The following SCFD2 variants were observed in gnomAD, a reference collection of about 807,000 sequenced individuals.
SCFD2 encodes sec1 family domain-containing protein 2.
A neutral mutation model predicts 58.9 loss-of-function variants in SCFD2; 54 were observed. The observed-to-expected ratio is 0.92, with a 90% CI of 0.74 to 1.15. The LOEUF (loss-of-function observed/expected upper bound fraction) is 1.15, where lower values mean the gene tolerates loss of function less well. Among genes scored for constraint, SCFD2 ranks in the 50% most tolerant of loss-of-function variants. SCFD2 has a pLI of 0.00. For synonymous variants in SCFD2, 321 were observed against 335.9 expected (o/e 0.96, Z 0.49); for missense variants, 805 against 836.6 (o/e 0.96, Z 0.47).
In SCFD2 at chr4:53,223,482, C is replaced by T. The variant is rs1285415795; in HGVS notation, c.1311+50344G>A. ...TCCACAAACACATGCCTTACAGTCA[C>T]ACCCTGCCATGTGAGATCCTGCAAC... On this transcript the variant is annotated intron_variant, in intron 4 of 8. Transcript: ENST00000401642. Among the ~76,000 whole-genome samples the T allele has an allele frequency of 7.9e-5, 12 of 152,334 alleles. No homozygotes were observed. The East Asian group carries it at 1.9e-3, about 24-fold the overall frequency.
intron 4 of SCFD2, among the ~76,000 whole-genome samples, chr4:53,186,469 T>C (rs1459375979): frequency 6.6e-6 from 1 of 152,022 alleles, no homozygotes. Flanking sequence ...CAGAAAATGT[T>C]TGTTGAACTT....
intron 4 of SCFD2, among the ~76,000 whole-genome samples, chr4:53,236,807 G>GTTTTATTT (rs1170811218): frequency 1.8e-3 from 228 of 129,686 alleles, no homozygotes; most frequent in African/African-American, 1.7e-3. Context: ...TAAAGTCACT[G>GTTTTATTT]TTTTATTTAT....
chr4:53,213,840 G>A (rs1728708583), intron 4 of SCFD2, among the ~76,000 whole-genome samples: 1 of 152,034 alleles, frequency 6.6e-6, no homozygotes. Flanking sequence ...GGTGTGTGAT[G>A]TTCCGCTTCC....
At chr4:53,325,799 G>C (rs1183551065) in intron 2 of SCFD2, among the ~76,000 whole-genome samples, 2 of 152,134 alleles carry the variant, frequency 1.3e-5, no homozygotes, top group Non-Finnish European at 2.9e-5. Flanking sequence ...TAACCCTTCA[G>C]TTCAAACAAT....
At chr4:53,288,250 T>C (rs1731732533) in intron 3 of SCFD2, among the ~76,000 whole-genome samples, 2 of 152,064 alleles carry the variant, frequency 1.3e-5, no homozygotes, top group African/African-American at 4.8e-5. Flanking sequence ...CCTGTGGGAC[T>C]TATAGAGTAG....
At chr4:52,998,236 A>C (rs1186060526) in intron 5 of SCFD2, among the ~76,000 whole-genome samples, 1 of 152,252 alleles carries the variant, frequency 6.6e-6, no homozygotes, top group East Asian at 1.9e-4. Context: ...TCCATCAGAT[A>C]CTCAGTAAAG....
Position 53,365,256 on chromosome 4 carries a change from T to A in SCFD2, c.686A>T (p.His229Leu), listed in dbSNP as rs753380324. 1 of 1,614,192 alleles carries A rather than the reference T, an allele frequency of 6.2e-7. No individual in the cohort carries two copies. The highest frequency in any genetic ancestry group is 8.5e-7 in the Non-Finnish European group (1 of 1,180,028). Reference sequence around the variant, plus strand: ...AAAACACTCCTCCCGTACTCCTAAATGTTCACACAGAGAACTGAGGCCTGA... The same window carrying A: ...AAAACACTCCTCCCGTACTCCTAAAAGTTCACACAGAGAACTGAGGCCTGA... ...LVSGLSSLCE[H>L]LGVREECFAV... The change falls in exon 1 of 9, where the codon CAT (histidine) becomes CTT (leucine). Residue 229 changes from histidine to leucine, a missense_variant. This residue lies in a region of SCFD2 where 633 missense variants were observed against 646.8 expected (regional missense o/e 0.98). Transcript: ENST00000401642. The surrounding 1 kb of genome is among the most constrained non-coding windows in gnomAD (Gnocchi z 4.3).
intron 5 of SCFD2, among the ~76,000 whole-genome samples, chr4:53,128,640 G>T (rs1269489420): frequency 1.3e-5 from 2 of 152,056 alleles, no homozygotes; most frequent in South Asian, 4.2e-4. Flanking sequence ...AAATAATAAA[G>T]ATACATTTAC....
chr4:53,341,021 G>A (rs1467445208), intron 2 of SCFD2, among the ~76,000 whole-genome samples: 2 of 152,182 alleles, frequency 1.3e-5, no homozygotes, highest in Non-Finnish European at 1.5e-5. Flanking sequence ...AAACAGAGCA[G>A]AAAAGCTGAA....
intron 4 of SCFD2, among the ~76,000 whole-genome samples, chr4:53,191,656 C>T (rs1727895738): frequency 2.0e-5 from 3 of 152,148 alleles, no homozygotes; most frequent in Admixed American, 2.0e-4. Context: ...CCACCTGCCT[C>T]GGCCTCCCAA....
At position 53,031,551 on chromosome 4, in the gene SCFD2, G is replaced by A. The variant is rs375296934; in HGVS notation, c.1562-110681C>T. Among the ~76,000 whole-genome samples the A allele has an allele frequency of 7.2e-5, 11 of 152,252 alleles. No individual in the cohort carries two copies. The East Asian group carries it at 7.7e-4, about 11-fold the overall frequency. On this transcript the variant is annotated intron_variant, in intron 5 of 8. Transcript: ENST00000401642. The stretch of plus-strand genomic sequence containing the variant: ...CCATGACAAAGACAAAAGTTTAGAC[G>A]AACTGCCCACTAGAATAACCAGTTT...
chr4:53,238,841 A>G (rs1332818231), intron 4 of SCFD2, among the ~76,000 whole-genome samples: 3 of 125,632 alleles, frequency 2.4e-5, no homozygotes, highest in East Asian at 2.6e-4. Context: ...CCTAGGTGGG[A>G]TGGCGGCCGG....
At chr4:52,998,215 C>T (rs1677087438) in intron 5 of SCFD2, among the ~76,000 whole-genome samples, 1 of 152,192 alleles carries the variant, frequency 6.6e-6, no homozygotes, top group Non-Finnish European at 1.5e-5. Flanking sequence ...GGGGTAAAAT[C>T]TTAGCAATCA....
chr4:52,990,034 G>A (rs1260552782), intron 5 of SCFD2, among the ~76,000 whole-genome samples: 1 of 152,014 alleles, frequency 6.6e-6, no homozygotes, highest in Non-Finnish European at 1.5e-5. Flanking sequence ...TATCATTTAC[G>A]CACATGCTCT....
intron 5 of SCFD2, among the ~76,000 whole-genome samples, chr4:52,947,009 T>C (rs1720448314): frequency 6.6e-6 from 1 of 152,172 alleles, no homozygotes; most frequent in African/African-American, 2.4e-5. Flanking sequence ...CCCTGGTGCA[T>C]GTGAGCGCTT....
chr4:52,953,926 A>G (rs916314813), intron 5 of SCFD2, among the ~76,000 whole-genome samples: 2 of 152,184 alleles, frequency 1.3e-5, no homozygotes, highest in Non-Finnish European at 2.9e-5. Flanking sequence ...GGCTGAGACC[A>G]TGGACTCCTG....
intron 4 of SCFD2, among the ~76,000 whole-genome samples, chr4:53,188,243 T>C (rs961848324): frequency 2.6e-5 from 4 of 152,134 alleles, no homozygotes; most frequent in African/African-American, 9.7e-5. Flanking sequence ...ATCTGTATGG[T>C]TATAGTTGTA....
chr4:52,918,259 A>G (rs981937225), intron 6 of SCFD2, among the ~76,000 whole-genome samples: 4 of 152,230 alleles, frequency 2.6e-5, no homozygotes, highest in Admixed American at 6.5e-5. Flanking sequence ...CTCTGAGTCT[A>G]GTCTGGACAC....
Position 53,144,981 on chromosome 4 carries a change from G to C in SCFD2, c.1561+352C>G, listed in dbSNP as rs577314548. On this transcript the variant is annotated intron_variant, in intron 5 of 8. Transcript: ENST00000401642. ...ACTGCCTGAGCTCCGCCTTCTGTCA[G>C]ATCAGCGGCAGCATTCGATTCTCAT... Among the ~76,000 whole-genome samples, 10 of 152,328 alleles carry C rather than the reference G, an allele frequency of 6.6e-5. No individual in the cohort carries two copies. In the East Asian group the frequency reaches 1.9e-3, roughly 29 times the overall value.
Sources: allele counts gnomAD v4.1 joint callset (sites outside exome capture counted in the v4.1 genomes callset), GRCh38; gene constraint gnomAD v4.1.1; regional missense constraint gnomAD v4.1.1; non-coding constraint Gnocchi (gnomAD v3.1); transcripts MANE v1.5; gene names NCBI Gene and HGNC (gene_info 2026-07-23, HGNC 2026-07-21).